The following PRR16 variants were observed in gnomAD, a reference collection of about 807,000 sequenced individuals.
PRR16 encodes the protein protein Largen.
Under a neutral mutation model 18.2 loss-of-function variants are expected in PRR16, and 6 were observed. The ratio of observed to expected loss-of-function variants is 0.33; its 90% CI spans 0.18 to 0.65. PRR16 has a LOEUF of 0.65. Ranked by LOEUF, PRR16 falls within the 30% of genes least tolerant of loss-of-function variation. The probability of loss-of-function intolerance (pLI) is 0.74; values close to 1 mark genes in which losing one functional copy is unlikely to be tolerated. For synonymous variants in PRR16, 151 were observed against 147.8 expected, an observed-to-expected ratio of 1.02 and a Z score of -0.16; for missense variants, 412 against 376.6, an observed-to-expected ratio of 1.09 and a Z score of -0.78.
intron 1 of PRR16, among the ~76,000 whole-genome samples, chr5:120,681,274 CTTAT>C (rs1192180590): frequency 1.3e-5 from 2 of 151,926 alleles, no homozygotes; most frequent in Non-Finnish European, 2.9e-5. Context: ...CTTTTTATTT[CTTAT>C]TTATTTTGGA....
At chr5:120,562,344 C>T (rs1307299359) in intron 1 of PRR16, among the ~76,000 whole-genome samples, 1 of 151,888 alleles carries the variant, frequency 6.6e-6, no homozygotes, top group Non-Finnish European at 1.5e-5. Flanking sequence ...TTTTTATCAT[C>T]CCTTTATTTT....
At chr5:120,775,632 C>T in the PRR16 span, among the ~76,000 whole-genome samples, 266 of 137,566 alleles carry the variant, frequency 1.9e-3, 2 homozygotes, top group African/African-American at 6.6e-3. Flanking sequence ...TTTCTTTCTC[C>T]TTTTTTTTTT....
intron 1 of PRR16, among the ~76,000 whole-genome samples, chr5:120,664,174 G>A (rs940468588): frequency 4.6e-5 from 7 of 151,932 alleles, no homozygotes; most frequent in Middle Eastern, 3.4e-3. Context: ...TGGCAGATGC[G>A]TGTAATCCCA....
chr5:120,585,479 G>A (rs1215513308), intron 1 of PRR16, among the ~76,000 whole-genome samples: 2 of 151,956 alleles, frequency 1.3e-5, no homozygotes, highest in African/African-American at 2.4e-5. Context: ...TATTACACAG[G>A]CAAGGGGGCA....
intron 1 of PRR16, among the ~76,000 whole-genome samples, chr5:120,497,214 T>C (rs1750276216): frequency 6.6e-6 from 1 of 152,084 alleles, no homozygotes; most frequent in African/African-American, 2.4e-5. Context: ...TTGATTAGAT[T>C]CTATTGGCTC....
chr5:120,478,449 A>T (rs560636941), intron 1 of PRR16, among the ~76,000 whole-genome samples: 1 of 152,228 alleles, frequency 6.6e-6, no homozygotes, highest in South Asian at 2.1e-4. Context: ...GGAATAGACA[A>T]AGGATCTCTC....
chr5:120,759,332 C>G, the PRR16 span, among the ~76,000 whole-genome samples: 2 of 151,792 alleles, frequency 1.3e-5, no homozygotes, highest in East Asian at 1.9e-4. Context: ...CATATCACCC[C>G]AATAATTTTA....
chr5:120,704,634 A>G, the PRR16 span, among the ~76,000 whole-genome samples: 31 of 152,284 alleles, frequency 2.0e-4, 2 homozygotes, highest in East Asian at 6.0e-3. Context: ...CATCAGAATC[A>G]CTTGGGAAGC....
chr5:120,530,289 T>TTA (rs1751510017), intron 1 of PRR16, among the ~76,000 whole-genome samples: 1 of 121,044 alleles, frequency 8.3e-6, no homozygotes, highest in Admixed American at 8.3e-5. Flanking sequence ...ATATATTTAT[T>TTA]TATTTATTTA....
At chr5:120,694,356 T>C in the PRR16 span, among the ~76,000 whole-genome samples, 11 of 152,318 alleles carry the variant, frequency 7.2e-5, no homozygotes, top group East Asian at 2.1e-3. Context: ...TTTGATGGAT[T>C]ACATTTTGTG....
chr5:120,757,862 G>C, the PRR16 span, among the ~76,000 whole-genome samples: 1 of 151,908 alleles, frequency 6.6e-6, no homozygotes, highest in African/African-American at 2.4e-5. Flanking sequence ...ATAGAAAAAT[G>C]GAACTATAGT....
intron 1 of PRR16, among the ~76,000 whole-genome samples, chr5:120,597,828 C>T (rs1012638184): frequency 9.2e-5 from 14 of 151,836 alleles, no homozygotes; most frequent in Admixed American, 7.2e-4. Flanking sequence ...ATTTTTCTCC[C>T]TTTGCCTTTT....
At chr5:120,628,525 G>A (rs2122189) in intron 1 of PRR16, among the ~76,000 whole-genome samples, 13,366 of 151,920 alleles carry the variant, frequency 0.088, 1,763 homozygotes, top group African/African-American at 0.29. Context: ...TCTCCCATAC[G>A]GTGATAAAGT....
chr5:120,601,705 A>G (rs1272459896), intron 1 of PRR16, among the ~76,000 whole-genome samples: 2 of 151,920 alleles, frequency 1.3e-5, no homozygotes, highest in Admixed American at 6.6e-5. Context: ...GAGGCCTTAC[A>G]TTTAAGTTTT....
the PRR16 span, among the ~76,000 whole-genome samples, chr5:120,783,805 G>A: frequency 6.6e-6 from 1 of 151,958 alleles, no homozygotes; most frequent in Non-Finnish European, 1.5e-5. Flanking sequence ...CCAAACACTA[G>A]ATCTTATTCT....
chr5:120,702,117 A>T, the PRR16 span, among the ~76,000 whole-genome samples: 1 of 151,426 alleles, frequency 6.6e-6, no homozygotes, highest in Non-Finnish European at 1.5e-5. Context: ...AGAGAAATGG[A>T]GGGAAGGGGT....
At chr5:120,780,882 G>T in the PRR16 span, among the ~76,000 whole-genome samples, 1 of 151,872 alleles carries the variant, frequency 6.6e-6, no homozygotes, top group African/African-American at 2.4e-5. Context: ...AAACCCCATC[G>T]CTACTAAAAA....
At chr5:120,516,484 GACACACAC>G (rs149936115) in intron 1 of PRR16, among the ~76,000 whole-genome samples, 3 of 136,456 alleles carry the variant, frequency 2.2e-5, no homozygotes, top group Non-Finnish European at 4.7e-5. Context: ...AGGAGGGAAG[GACACACAC>G]ACACACACAC....
the PRR16 span, among the ~76,000 whole-genome samples, chr5:120,698,395 C>T: frequency 9.2e-5 from 14 of 151,892 alleles, no homozygotes; most frequent in Admixed American, 2.6e-4. Flanking sequence ...TTAGAGAGTG[C>T]CTAAGGGGTT....
Sources: gnomAD v4.1 joint callset for allele counts (sites outside exome capture counted in the v4.1 genomes callset) on GRCh38, gnomAD v4.1.1 for gene constraint, MANE v1.5 for transcripts, NCBI Gene and HGNC (gene_info 2026-07-23, HGNC 2026-07-21) for gene names.